The following ATP2B2 variants were observed in gnomAD, a reference collection of about 807,000 sequenced individuals.
The protein encoded by ATP2B2 is ATPase plasma membrane Ca2+ transporting 2.
ATP2B2 carries 15 observed loss-of-function variants against 120.0 expected under a neutral mutation model. The observed-to-expected ratio is 0.12, with a 90% CI of 0.08 to 0.19. The LOEUF (loss-of-function observed/expected upper bound fraction) is 0.19. Ranked by LOEUF, ATP2B2 falls within the 10% of genes least tolerant of loss-of-function variation. The pLI is 1.00. For synonymous variants in ATP2B2, 694 were observed against 700.3 expected, an observed-to-expected ratio of 0.99 and a Z score of 0.14; for missense variants, 1,045 against 1,719.8, an observed-to-expected ratio of 0.61 and a Z score of 6.94.
chr3:10,699,935 C>T lies in ATP2B2; in HGVS notation c.-460+7980G>A, dbSNP rs1188488454. Among the ~76,000 whole-genome samples the T allele has an allele frequency of 3.3e-5, 5 of 152,100 alleles. No individual in the cohort carries two copies. The South Asian group carries it at 6.2e-4, about 19-fold the overall frequency. On this transcript the variant is annotated intron_variant, in intron 1 of 21. Transcript: ENST00000646379. Reference sequence around the variant, plus strand: ...ACTTCTCAGTCTTCAGAACTGTGAACGCATACATTTCTCTTCTTATAAATA... The same window carrying T: ...ACTTCTCAGTCTTCAGAACTGTGAATGCATACATTTCTCTTCTTATAAATA...
At chr3:10,611,305 G>C (rs1444256177) in intron 2 of ATP2B2, among the ~76,000 whole-genome samples, 1 of 152,222 alleles carries the variant, frequency 6.6e-6, no homozygotes, top group East Asian at 1.9e-4. Flanking sequence ...GAACTGTGAG[G>C]GCTATGAGCA....
chr3:10,444,465 A>T (rs757316711), intron 2 of ATP2B2, among the ~76,000 whole-genome samples: 3 of 152,158 alleles, frequency 2.0e-5, no homozygotes, highest in Non-Finnish European at 4.4e-5. Context: ...ATCTCCCATG[A>T]TCTGCTCTCT....
chr3:10,528,614 G>A (rs1376463572), intron 3 of ATP2B2, among the ~76,000 whole-genome samples: 2 of 152,098 alleles, frequency 1.3e-5, no homozygotes, highest in African/African-American at 2.4e-5. Context: ...GTGTGCCAAC[G>A]TGTGTTTTAT....
At position 10,352,392 on chromosome 3, in the gene ATP2B2, C is replaced by T. The variant is rs900599598; in HGVS notation, c.2137-1815G>A. On this transcript the variant is annotated intron_variant, in intron 14 of 22. Transcript: ENST00000360273. ...ACCCTGATGCCTTCAAGAGGAAACC[C>T]GCAGTTCTGAGCGTGGCTGTCTTGT... Among the ~76,000 whole-genome samples, 7 of 152,240 alleles carry T rather than the reference C, an allele frequency of 4.6e-5. No individual in the cohort carries two copies. The South Asian group carries it at 6.2e-4, about 14-fold the overall frequency.
chr3:10,600,302 C>T (rs1370190491), intron 2 of ATP2B2, among the ~76,000 whole-genome samples: 1 of 152,234 alleles, frequency 6.6e-6, no homozygotes, highest in Admixed American at 6.5e-5. Context: ...GATTCCTCCA[C>T]ACTGAGTAGT....
At chr3:10,471,943 T>G (rs1575334057) in intron 1 of ATP2B2, among the ~76,000 whole-genome samples, 1 of 150,472 alleles carries the variant, frequency 6.6e-6, no homozygotes. Flanking sequence ...TAGCCGGGTG[T>G]GGTGGCGGGC....
intron 2 of ATP2B2, among the ~76,000 whole-genome samples, chr3:10,606,910 CACAGAG>C (rs2069087266): frequency 2.2e-5 from 1 of 46,078 alleles, no homozygotes; most frequent in African/African-American, 8.7e-5. Flanking sequence ...CACACACACA[CACAGAG>C]AGAGAGAGAG....
chr3:10,690,428 A>ATC (rs2071632312), intron 1 of ATP2B2, among the ~76,000 whole-genome samples: 1 of 142,888 alleles, frequency 7.0e-6, no homozygotes, highest in Admixed American at 7.2e-5. Context: ...GAATATCTAT[A>ATC]TCTATATCTA....
chr3:10,353,654 C>T (rs1009439499), intron 14 of ATP2B2, among the ~76,000 whole-genome samples: 3 of 152,166 alleles, frequency 2.0e-5, no homozygotes, highest in Admixed American at 6.5e-5. Context: ...ATTGGTGCTG[C>T]GTTTTAGAAA....
At chr3:10,398,024 C>T (rs910720533) in intron 5 of ATP2B2, among the ~76,000 whole-genome samples, 9 of 152,192 alleles carry the variant, frequency 5.9e-5, no homozygotes, top group African/African-American at 2.2e-4. Context: ...GATGCCAGGG[C>T]TTCAGGCTTG....
intron 1 of ATP2B2, among the ~76,000 whole-genome samples, chr3:10,683,228 T>C (rs2071426578): frequency 6.6e-6 from 1 of 151,992 alleles, no homozygotes; most frequent in South Asian, 2.1e-4. Context: ...AAGGGAGAGT[T>C]CTGGAATCAG....
rs761803682 is a variant in ATP2B2 at position 10,378,314 on chromosome 3, T to C, written c.1139A>G (p.Lys380Arg). ...ADDRKKASMHKKEKSVLQGKL... is the reference protein window; with the variant it reads ...ADDRKKASMHRKEKSVLQGKL... ...GCCCTGCAGCACGGACTTCTCCTTC[T>C]TGTGCATGCTGGCCTTCTTCCTGTC... The change falls in exon 10 of 23, where the codon AAG becomes AGG. Residue 380 changes from lysine to arginine, a missense_variant. Transcript: ENST00000360273. The C allele has an allele frequency of 6.2e-6, 10 of 1,609,726 alleles. No homozygotes were observed. The South Asian group carries it at 9.9e-5, about 16-fold the overall frequency.
chr3:10,661,167 AT>A (rs1235696958), intron 1 of ATP2B2, among the ~76,000 whole-genome samples: 2 of 152,148 alleles, frequency 1.3e-5, no homozygotes, highest in African/African-American at 4.8e-5. Context: ...AACTGGAAGC[AT>A]TCCCTCTGAA....
At chr3:10,373,000 G>GT (rs1406016058) in intron 11 of ATP2B2, among the ~76,000 whole-genome samples, 3 of 152,086 alleles carry the variant, frequency 2.0e-5, no homozygotes, top group African/African-American at 7.2e-5. Flanking sequence ...TATAACCAGG[G>GT]TAAAAAAGAA....
At chr3:10,368,902 C>T (rs1034765347) in intron 12 of ATP2B2, among the ~76,000 whole-genome samples, 3 of 152,168 alleles carry the variant, frequency 2.0e-5, no homozygotes, top group Non-Finnish European at 2.9e-5. Flanking sequence ...TCAGTCCATT[C>T]ACTTACATCA....
Position 10,358,796 on chromosome 3 carries a change from G to A in ATP2B2, c.2031C>T (p.Arg677=), listed in dbSNP as rs769370186. Residue 677 remains arginine (R), a synonymous_variant, in exon 14 of 23, where the codon CGC becomes CGT. Transcript: ENST00000360273. ...DGLRTICVAY[R]DFPSSPEPDW... ...CCGGCTCCGGGCTGCTGGGGAAGTC[G>A]CGGTAGGCCACGCAGATAGTGCGGA... 19 of 1,614,096 alleles carry A rather than the reference G, an allele frequency of 1.2e-5. No individual in the cohort carries two copies. Among genetic ancestry groups the A allele is most frequent in the African/African-American group, 6.7e-5 (5 of 74,938 alleles).
At chr3:10,563,781 C>A (rs752764110) in intron 2 of ATP2B2, among the ~76,000 whole-genome samples, 1 of 152,202 alleles carries the variant, frequency 6.6e-6, no homozygotes, top group Non-Finnish European at 1.5e-5. Context: ...GAAAACAACT[C>A]TCAGAGGACA....
At chr3:10,355,562 C>G (rs1453429662) in intron 14 of ATP2B2, among the ~76,000 whole-genome samples, 3 of 152,196 alleles carry the variant, frequency 2.0e-5, no homozygotes, top group African/African-American at 2.4e-5. Context: ...GCTGAGAACA[C>G]TGAGGCTCAG....
chr3:10,668,184 G>A (rs912967408), intron 1 of ATP2B2, among the ~76,000 whole-genome samples: 3 of 152,216 alleles, frequency 2.0e-5, no homozygotes, highest in Admixed American at 6.5e-5. Flanking sequence ...TGTCCTGCAC[G>A]TTAGAGTCAG....
Sources: gnomAD v4.1 joint callset for allele counts (sites outside exome capture counted in the v4.1 genomes callset) on GRCh38, gnomAD v4.1.1 for gene constraint, MANE v1.5 for transcripts, NCBI Gene and HGNC (gene_info 2026-07-23, HGNC 2026-07-21) for gene names.